Variants in SOX6 observed in about 807,000 individuals in gnomAD.
SOX6 encodes SRY-box transcription factor 6.
Under a neutral mutation model 97.8 loss-of-function variants are expected in SOX6, and 11 were observed. The observed-to-expected ratio is 0.11, with a 90% CI of 0.07 to 0.19. The LOEUF (loss-of-function observed/expected upper bound fraction) is 0.19. Among genes scored for constraint, SOX6 ranks in the 10% least tolerant of loss-of-function variants. SOX6 has a pLI of 1.00. For synonymous variants in SOX6, 360 were observed against 371.4 expected (o/e 0.97, Z 0.35); for missense variants, 810 against 1,039.5 (o/e 0.78, Z 3.04).
At chr11:15,992,019 G>A (rs1854068354) in intron 13 of SOX6, among the ~76,000 whole-genome samples, 1 of 152,178 alleles carries the variant, frequency 6.6e-6, no homozygotes, top group African/African-American at 2.4e-5. Flanking sequence ...TTCAGGAGCT[G>A]AAGGACAAGG....
intron 3 of SOX6, among the ~76,000 whole-genome samples, chr11:16,256,437 G>A (rs150890568): frequency 6.6e-6 from 1 of 151,820 alleles, no homozygotes; most frequent in Non-Finnish European, 1.5e-5. Context: ...CACATCAACA[G>A]GCTAACAATG....
chr11:16,681,300 GA>G (rs1332164318), intron 3 of SOX6, among the ~76,000 whole-genome samples: 7 of 152,210 alleles, frequency 4.6e-5, no homozygotes, highest in Non-Finnish European at 7.3e-5. Context: ...TCAGGATTAA[GA>G]AACTCACTCA....
intron 12 of SOX6, among the ~76,000 whole-genome samples, chr11:16,016,855 T>C (rs1854901543): frequency 6.6e-6 from 1 of 152,062 alleles, no homozygotes; most frequent in South Asian, 2.1e-4. Flanking sequence ...TGCAATCTTC[T>C]TGGAAGAACA....
At chr11:16,443,301 TA>T (rs1274837830) in intron 1 of SOX6, among the ~76,000 whole-genome samples, 1 of 152,208 alleles carries the variant, frequency 6.6e-6, no homozygotes, top group Non-Finnish European at 1.5e-5. Context: ...TAAGTTAACT[TA>T]AAACTAACTT....
At chr11:16,452,751 C>CA (rs891349576) in intron 1 of SOX6, among the ~76,000 whole-genome samples, 29 of 151,664 alleles carry the variant, frequency 1.9e-4, no homozygotes, top group African/African-American at 6.3e-4. Flanking sequence ...AGGCACAGGG[C>CA]AAAAAAATGG....
intron 13 of SOX6, among the ~76,000 whole-genome samples, chr11:15,999,168 T>C (rs1410057020): frequency 1.3e-5 from 2 of 152,118 alleles, no homozygotes; most frequent in African/African-American, 4.8e-5. Context: ...TTATTAATCA[T>C]CAGGAAAATG....
At chr11:16,218,468 G>T (rs1391716990) in intron 4 of SOX6, among the ~76,000 whole-genome samples, 1 of 151,964 alleles carries the variant, frequency 6.6e-6, no homozygotes, top group African/African-American at 2.4e-5. Context: ...TTAAGTATCA[G>T]CTCTGATTAT....
intron 4 of SOX6, among the ~76,000 whole-genome samples, chr11:16,201,984 A>C (rs2134128951): frequency 6.6e-6 from 1 of 152,192 alleles, no homozygotes; most frequent in Admixed American, 6.5e-5. Flanking sequence ...AGAAATAATA[A>C]ATTTATTTTT....
chr11:16,559,419 C>T (rs931546878), intron 4 of SOX6, among the ~76,000 whole-genome samples: 5 of 151,994 alleles, frequency 3.3e-5, no homozygotes, highest in Non-Finnish European at 7.4e-5. Flanking sequence ...CTCGTTGCTG[C>T]CCCCTGATCA....
chr11:16,277,971 A>G (rs1854447284), intron 3 of SOX6, among the ~76,000 whole-genome samples: 1 of 152,210 alleles, frequency 6.6e-6, no homozygotes, highest in African/African-American at 2.4e-5. Context: ...GAGATCATGT[A>G]TTAAAAGCAC....
At chr11:16,564,086 C>G (rs1004250040) in intron 4 of SOX6, among the ~76,000 whole-genome samples, 1 of 151,516 alleles carries the variant, frequency 6.6e-6, no homozygotes, top group African/African-American at 2.4e-5. Flanking sequence ...ACCAGCAGAC[C>G]CACTCTAAAA....
chr11:16,238,081 T>C (rs1228456538), intron 3 of SOX6, among the ~76,000 whole-genome samples: 1 of 152,118 alleles, frequency 6.6e-6, no homozygotes, highest in Non-Finnish European at 1.5e-5. Flanking sequence ...TCTGTTTCCA[T>C]TAACCAATAT....
At chr11:16,591,586 T>C (rs932846061) in intron 4 of SOX6, among the ~76,000 whole-genome samples, 3 of 152,164 alleles carry the variant, frequency 2.0e-5, no homozygotes, top group African/African-American at 7.2e-5. Context: ...ATGCTATCAC[T>C]TACAAAAATT....
intron 3 of SOX6, chr11:16,312,723 A>G (rs544172262): frequency 6.6e-6 from 1 of 152,164 alleles, no homozygotes; most frequent in Non-Finnish European, 1.5e-5. Context: ...GATTAAATAT[A>G]TGTATTTAGA....
In SOX6 at chr11:15,966,604, T is replaced by A. The variant is rs1028805593; in HGVS notation, c.*6205A>T. ...ACTCCCCTAAGGGGCCTGAGCCCCA[T>A]CACGGCATATACATTATCACCCAAA... On this transcript the variant is annotated 3_prime_UTR_variant, in exon 16 of 16. Coordinates refer to ENST00000683767, the MANE Select transcript of SOX6 (RefSeq NM_001367873.1). 4 of 152,044 alleles carry A rather than the reference T, an allele frequency of 2.6e-5. No individual in the cohort carries two copies. The highest frequency in any genetic ancestry group is 9.7e-5 in the African/African-American group (4 of 41,368). The allele number at this position is 152,044 out of a possible 1,614,324, so 9.4% of individuals were successfully genotyped here.
At chr11:16,291,608 G>C (rs1315054108) in intron 3 of SOX6, among the ~76,000 whole-genome samples, 3 of 151,920 alleles carry the variant, frequency 2.0e-5, no homozygotes. Flanking sequence ...ATGCCACAAA[G>C]TTAAGAGGCA....
At chr11:16,685,048 A>T (rs956275321) in intron 3 of SOX6, among the ~76,000 whole-genome samples, 1 of 152,114 alleles carries the variant, frequency 6.6e-6, no homozygotes, top group African/African-American at 2.4e-5. Flanking sequence ...GCACCAAGCC[A>T]TGAGGGATCT....
At chr11:16,132,338 AAAAGAAAGAAAG>A (rs869051811) in intron 6 of SOX6, among the ~76,000 whole-genome samples, 665 of 40,570 alleles carry the variant, frequency 0.016, 27 homozygotes, top group Middle Eastern at 0.062. Context: ...AAGGAAAGAA[AAAAGAAAGAAAG>A]AAAGAAAGAA....
At chr11:16,534,689 G>A (rs1003674194) in intron 4 of SOX6, among the ~76,000 whole-genome samples, 1 of 151,978 alleles carries the variant, frequency 6.6e-6, no homozygotes, top group Admixed American at 6.6e-5. Context: ...AGTTTTGTCT[G>A]GGGACCCCAA....
Sources: gnomAD v4.1 joint callset for allele counts (sites outside exome capture counted in the v4.1 genomes callset) on GRCh38, gnomAD v4.1.1 for gene constraint, MANE v1.5 for transcripts, NCBI Gene and HGNC (gene_info 2026-07-23, HGNC 2026-07-21) for gene names.